The following EPS8L3 variants were observed in gnomAD, a reference collection of about 807,000 sequenced individuals.
The protein encoded by EPS8L3 is epidermal growth factor receptor kinase substrate 8-like protein 3.
Under a neutral mutation model 88.5 loss-of-function variants are expected in EPS8L3, and 80 were observed. The observed-to-expected ratio is 0.90, with a 90% CI of 0.75 to 1.09. The LOEUF is 1.09. Ranked by LOEUF, EPS8L3 falls within the 50% of genes least tolerant of loss-of-function variation. The pLI is 0.00. For synonymous variants in EPS8L3, 286 were observed against 291.0 expected, an observed-to-expected ratio of 0.98 and a Z score of 0.18; for missense variants, 721 against 735.2, an observed-to-expected ratio of 0.98 and a Z score of 0.22.
chr1:109,750,295 G>A lies in EPS8L3; in HGVS notation c.*96C>T, dbSNP rs1037847772. On this transcript the variant is annotated 3_prime_UTR_variant, in exon 19 of 19. Transcript: ENST00000361965. ...TGGGGTGTGGGGTTTGCTGCAAACT[G>A]GGATCCAGAAGAGGAATTCTCGGGG... 9.4e-6 allele frequency: 14 copies of A among 1,483,886 alleles called. No homozygotes were observed. In the African/African-American group the frequency reaches 9.8e-5, roughly 10 times the overall value. 91.9% of individuals were successfully genotyped at this position (1,483,886 alleles called of 1,614,324 possible).
intron 1 of EPS8L3, among the ~76,000 whole-genome samples, chr1:109,763,432 G>C (rs1651215411): frequency 6.6e-6 from 1 of 152,186 alleles, no homozygotes; most frequent in Non-Finnish European, 1.5e-5. Context: ...GGTCAAGGTG[G>C]GGAAACAGCT....
In EPS8L3 at chr1:109,759,779, G is replaced by T; in HGVS notation, c.154C>A (p.Gln52Lys). 1 of 1,614,146 alleles carries T rather than the reference G, an allele frequency of 6.2e-7. No individual in the cohort carries two copies. Among genetic ancestry groups the T allele is most frequent in the Admixed American group, 1.7e-5 (1 of 60,030 alleles). Residue 52 changes from glutamine to lysine, a missense_variant, in exon 4 of 19, where the codon CAG (glutamine) becomes AAG (lysine). By Grantham distance (53) the Gln-to-Lys change is moderately conservative. Coordinates refer to ENST00000361965, the MANE Select transcript of EPS8L3 (RefSeq NM_133181.4). The surrounding 1 kb of genome is among the most constrained non-coding windows in gnomAD (Gnocchi z 4.2). ...TGTGCATCCATCTCGAACAGCTTCT[G>T]CAAGGCATCCTCGGGCCCCTGGACT... The part of the protein sequence containing the change: ...QRVQGPEDAL[Q>K]KLFEMDAQGR...
chr1:109,751,199 A>G (rs2101389021), intron 17 of EPS8L3, 79 bp downstream of exon 17: 4 of 1,276,946 alleles, frequency 3.1e-6, no homozygotes, highest in Non-Finnish European at 4.5e-6. Flanking sequence ...GCCAGGTTGT[A>G]TGTTCTGGGT....
rs879231527 is a variant in EPS8L3, at chr1:109,750,329, G to A, written c.*62C>T. The A allele has an allele frequency of 1.2e-6, 2 of 1,601,000 alleles. No individual in the cohort carries two copies. Among genetic ancestry groups the A allele is most frequent in the East Asian group, 4.5e-5 (2 of 44,760 alleles). ...AAGAGGAATTCTCGGGGCTCTAATG[G>A]GTATCAGATCTGCCATCTTGCATCA... is the stretch of plus-strand genomic sequence containing the variant. On this transcript the variant is annotated 3_prime_UTR_variant, in exon 19 of 19. Transcript: ENST00000361965.
chr1:109,754,277 C>T (rs74820368), intron 12 of EPS8L3, among the ~76,000 whole-genome samples: 1,739 of 152,258 alleles, frequency 0.011, 30 homozygotes, highest in African/African-American at 0.04. Flanking sequence ...ATTTAAAATC[C>T]TGATTGCCAA....
Position 109,757,598 on chromosome 1 carries a change from C to A in EPS8L3, c.895-43G>T, listed in dbSNP as rs767032323. On this transcript the variant is annotated intron_variant, in intron 10 of 18. Coordinates refer to ENST00000361965, the MANE Select transcript of EPS8L3 (RefSeq NM_133181.4). ...TGCCTGTCACCACCCTTCACCCCAC[C>A]CCATCTTCACCAGGTCACCATAATT... The A allele has an allele frequency of 5.1e-6, 8 of 1,557,582 alleles. 1 individual carries two copies. The South Asian group carries it at 9.0e-5, about 18-fold the overall frequency.
In EPS8L3 at chr1:109,750,748, C is replaced by T. The variant is rs765071196; in HGVS notation, c.1682G>A (p.Arg561His). 1.2e-4 allele frequency: 190 copies of T among 1,614,074 alleles called. No homozygotes were observed. The highest frequency in any genetic ancestry group is 1.6e-4 in the Middle Eastern group (1 of 6,084). Residue 561 changes from arginine to histidine, a missense_variant, in exon 18 of 19, where the codon CGC becomes CAC. Transcript: ENST00000361965. ...CATCTGTAGCTCCCCAGGTCTTATG[C>T]GAAGTAGCTGGCTCCCCGTCAGGGA... ...LGSLTGSQLL[R>H]IRPGELQMLC... is the part of the protein sequence containing the mutation.
chr1:109,762,949 G>A (rs898508104), intron 1 of EPS8L3, among the ~76,000 whole-genome samples: 1 of 152,240 alleles, frequency 6.6e-6, no homozygotes, highest in Non-Finnish European at 1.5e-5. Context: ...TGTCCCGGGT[G>A]GGGGTGGTGT....
At chr1:109,751,223 T>C (rs2101389279) in intron 17 of EPS8L3, 55 bp downstream of exon 17, 2 of 1,522,500 alleles carry the variant, frequency 1.3e-6, no homozygotes, top group South Asian at 2.3e-5. Context: ...TGGGTTTCCT[T>C]GGTTAGCCCT....
intron 11 of EPS8L3, 97 bp downstream of exon 11, chr1:109,757,384 C>G: frequency 7.7e-7 from 1 of 1,293,098 alleles, no homozygotes; most frequent in Non-Finnish European, 1.1e-6. Context: ...ACCCTGGCCC[C>G]TGCTCCCCCA....
chr1:109,759,523 C>G lies in EPS8L3; in HGVS notation c.256-136G>C, dbSNP rs74367957. Reference sequence around the variant, plus strand: ...CTACCTGACTCTTGTGCCTCTGTCCCCAGCCTCTGTCCCCTGTCTCTTCCT... The same window carrying G: ...CTACCTGACTCTTGTGCCTCTGTCCGCAGCCTCTGTCCCCTGTCTCTTCCT... On this transcript the variant is annotated intron_variant, in intron 4 of 18. Coordinates refer to ENST00000361965, the MANE Select transcript of EPS8L3 (RefSeq NM_133181.4). The surrounding 1 kb of genome is among the most constrained non-coding windows in gnomAD (Gnocchi z 4.2). 1.6e-3 allele frequency: 2,430 copies of G among 1,498,722 alleles called. 21 individuals carry two copies. The East Asian group carries it at 0.022, about 14-fold the overall frequency. 92.8% of individuals were successfully genotyped at this position (1,498,722 alleles called of 1,614,324 possible).
intron 6 of EPS8L3, 131 bp downstream of exon 6, chr1:109,758,930 TG>T: frequency 9.8e-7 from 1 of 1,016,290 alleles, no homozygotes. Flanking sequence ...ACCTCTGTCC[TG>T]GCTCCTCCTC....
Position 109,759,657 on chromosome 1 carries a change from G to A in EPS8L3, c.255+21C>T, listed in dbSNP as rs1039971398. On this transcript the variant is annotated intron_variant, in intron 4 of 18. Transcript: ENST00000361965. This position sits in a 1 kb window ranked among gnomAD's most constrained non-coding sequence, Gnocchi z 4.2. ...CCCACAGCCCAGGCTGGCTATCACT[G>A]GGTTTGCTGGGAAGGCTGACCTTGG... 2.5e-6 allele frequency: 4 copies of A among 1,611,484 alleles called. 1 individual carries two copies. Among genetic ancestry groups the A allele is most frequent in the Middle Eastern group, 3.3e-4 (2 of 6,032 alleles).
chr1:109,760,133 G>A (rs901908744), intron 3 of EPS8L3, among the ~76,000 whole-genome samples: 8 of 152,082 alleles, frequency 5.3e-5, no homozygotes, highest in African/African-American at 1.9e-4. Flanking sequence ...GAGGCAGCTG[G>A]GTGGTGGAGG....
chr1:109,752,694 A>T lies in EPS8L3; in HGVS notation c.1227T>A (p.Val409=). 3 of 1,551,890 alleles carry T rather than the reference A, an allele frequency of 1.9e-6. No homozygotes were observed. The highest frequency in any genetic ancestry group is 2.6e-6 in the Non-Finnish European group (3 of 1,147,016). ...SQAPLGYQDP[V]SLRRGSHRLG... ...TTAAGCTCAGAGCATACCGAAGGGA[A>T]ACAGGGTCCTGGTATCCTAAGGGTG... Residue 409 remains valine (V), a synonymous_variant, in exon 14 of 19, where the codon GTT becomes GTA. Transcript: ENST00000361965.
chr1:109,753,247 T>C (rs1352017624), intron 12 of EPS8L3, 49 bp from the exon 13 acceptor site: 16 of 1,483,726 alleles, frequency 1.1e-5, no homozygotes, highest in Non-Finnish European at 1.5e-5. Context: ...TGAACTCTGA[T>C]GCCAGGCTGT....
chr1:109,758,918 C>G, intron 6 of EPS8L3, 144 bp downstream of exon 6: 1 of 942,812 alleles, frequency 1.1e-6, no homozygotes, highest in Non-Finnish European at 1.6e-6. Context: ...TTGCCTATGC[C>G]CACCTCTGTC....
Position 109,751,338 on chromosome 1 carries a change from C to G in EPS8L3, c.1577G>C (p.Arg526Pro). The G allele has an allele frequency of 2.5e-6, 4 of 1,613,694 alleles. No homozygotes were observed. The highest frequency in any genetic ancestry group is 1.6e-4 in the Middle Eastern group (1 of 6,062). The change falls in exon 17 of 19, where the codon CGA becomes CCA. Residue 526 changes from arginine (R) to proline (P), a missense_variant. Arg to Pro is a moderately radical substitution (Grantham distance 103, BLOSUM62 -2). Coordinates refer to ENST00000361965, the MANE Select transcript of EPS8L3 (RefSeq NM_133181.4). ...GQSPSRVPML[R>P]LSSRPEEVTD... is the part of the protein sequence containing the mutation. Reference sequence around the variant, plus strand: ...GACCTCTTCAGGCCTCGAGCTAAGTCGAAGCATTGGAACCTAGAATCAGGG... The same window carrying G: ...GACCTCTTCAGGCCTCGAGCTAAGTGGAAGCATTGGAACCTAGAATCAGGG...
chr1:109,751,546 A>G, intron 16 of EPS8L3, 108 bp downstream of exon 16: 1 of 1,526,418 alleles, frequency 6.6e-7, no homozygotes, highest in Non-Finnish European at 9.0e-7. Flanking sequence ...ATGCAATAAT[A>G]CGGTCCGAAT....
Sources: allele counts gnomAD v4.1 joint callset (sites outside exome capture counted in the v4.1 genomes callset), GRCh38; gene constraint gnomAD v4.1.1; non-coding constraint Gnocchi (gnomAD v3.1); transcripts MANE v1.5; gene names NCBI Gene and HGNC (gene_info 2026-07-23, HGNC 2026-07-21).